Variants in NOC3L observed in about 807,000 individuals in gnomAD.
NOC3L encodes nucleolar complex protein 3 homolog.
NOC3L carries 85 observed loss-of-function variants against 102.5 expected under a neutral mutation model. The observed-to-expected ratio is 0.83, with a 90% CI of 0.70 to 0.99. The LOEUF (loss-of-function observed/expected upper bound fraction) is 0.99, where lower values mean the gene tolerates loss of function less well. NOC3L is among the 50% of genes least tolerant of loss of function. NOC3L has a pLI of 0.00. For missense variants in NOC3L, 878 were observed against 914.9 expected (o/e 0.96, Z 0.52); for synonymous variants, 303 against 309.4 (o/e 0.98, Z 0.22).
At chr10:94,324,386 GCAACCC>G in the NOC3L span, 1 of 1,614,152 alleles carries the variant, frequency 6.2e-7, no homozygotes, top group Non-Finnish European at 8.5e-7. Flanking sequence ...AGCATCCTGA[GCAACCC>G]CAATCCAAGC....
chr10:94,325,230 A>G, the NOC3L span: 1 of 720,158 alleles, frequency 1.4e-6, no homozygotes, highest in Non-Finnish European at 2.5e-6. Flanking sequence ...GCAGGTAGGA[A>G]TGGGACCTTA....
At chr10:94,346,142 T>C (rs2054340312) in intron 11 of NOC3L, among the ~76,000 whole-genome samples, 1 of 152,222 alleles carries the variant, frequency 6.6e-6, no homozygotes, top group South Asian at 2.1e-4. Context: ...GGAAGGAATC[T>C]GTGTATCATA....
chr10:94,350,316 T>C, intron 8 of NOC3L, 28 bp from the exon 9 acceptor site: 1 of 1,602,216 alleles, frequency 6.2e-7, no homozygotes, highest in Non-Finnish European at 8.5e-7. Flanking sequence ...GTAGTTACTT[T>C]ACTCATTGGT....
Position 94,344,483 on chromosome 10 carries a change from G to A in NOC3L, c.1503C>T (p.Thr501=). 1 of 1,613,608 alleles carries A rather than the reference G, an allele frequency of 6.2e-7. No homozygotes were observed. Among genetic ancestry groups the A allele is most frequent in the Non-Finnish European group, 8.5e-7 (1 of 1,179,592 alleles). Residue 501 remains threonine (T), a synonymous_variant, in exon 13 of 21, where the codon ACC becomes ACT. Transcript: ENST00000371361. ...GGGCCTTCTTCAATATTCTGAAGTA[G>A]GTTACAAACACAATATTCAGAGTCT... The part of the protein sequence containing the change: ...HTETLNIVFV[T]YFRILKKAQR...
At chr10:94,338,019 A>G (rs1455344906) in intron 18 of NOC3L, 145 bp from the exon 19 acceptor site, 5 of 453,412 alleles carry the variant, frequency 1.1e-5, no homozygotes, top group Non-Finnish European at 1.9e-5. Context: ...TTAGAAGCAC[A>G]TACCCACAGA....
chr10:94,348,720 T>C (rs1484732837), intron 10 of NOC3L, among the ~76,000 whole-genome samples: 4 of 152,186 alleles, frequency 2.6e-5, no homozygotes, highest in African/African-American at 9.6e-5. Flanking sequence ...AGTGATTAAA[T>C]GTTTTTGAAC....
chr10:94,338,520 C>T (rs1331447522), intron 18 of NOC3L, 88 bp downstream of exon 18: 1 of 1,360,706 alleles, frequency 7.3e-7, no homozygotes, highest in South Asian at 2.1e-5. Context: ...TAATTAAGTA[C>T]TCTGGCAATA....
At chr10:94,322,541 T>C in the NOC3L span, among the ~76,000 whole-genome samples, 5 of 152,066 alleles carry the variant, frequency 3.3e-5, no homozygotes, top group African/African-American at 7.2e-5. Flanking sequence ...TCCCAACACT[T>C]TGTGGGGCCA....
the NOC3L span, among the ~76,000 whole-genome samples, chr10:94,321,641 A>C: frequency 2.6e-5 from 4 of 151,922 alleles, no homozygotes; most frequent in African/African-American, 9.7e-5. Context: ...AAAAAAAAAA[A>C]AAAAACCCAC....
chr10:94,352,406 G>A lies in NOC3L; in HGVS notation c.859-3C>T. ...AACTTCTGGGTTTCTTTTCGGGTCT[G>A]AAAAGACCAAAAAGGTCAATCATTT... On this transcript the variant is annotated splice_polypyrimidine_tract_variant and splice_region_variant and intron_variant, in intron 7 of 20. Coordinates refer to ENST00000371361, the MANE Select transcript of NOC3L (RefSeq NM_022451.11). 2 of 1,595,698 alleles carry A rather than the reference G, an allele frequency of 1.3e-6. No homozygotes were observed. The highest frequency in any genetic ancestry group is 1.7e-6 in the Non-Finnish European group (2 of 1,167,404).
chr10:94,320,565 A>C, the NOC3L span, among the ~76,000 whole-genome samples: 1 of 152,024 alleles, frequency 6.6e-6, no homozygotes, highest in Non-Finnish European at 1.5e-5. Flanking sequence ...TCTTCTGGTT[A>C]GTTAGTTAGC....
At chr10:94,347,800 A>G (rs1357334643) in intron 10 of NOC3L, among the ~76,000 whole-genome samples, 1 of 152,144 alleles carries the variant, frequency 6.6e-6, no homozygotes, top group Non-Finnish European at 1.5e-5. Context: ...ATAGAAAAAA[A>G]TCAATTCTGT....
chr10:94,354,887 T>C, intron 6 of NOC3L, 76 bp downstream of exon 6: 1 of 1,448,316 alleles, frequency 6.9e-7, no homozygotes, highest in Non-Finnish European at 9.5e-7. Context: ...TGCTTATAGG[T>C]AACAAGGGAA....
intron 19 of NOC3L, among the ~76,000 whole-genome samples, chr10:94,335,640 C>T (rs968445301): frequency 6.6e-6 from 1 of 152,142 alleles, no homozygotes; most frequent in Non-Finnish European, 1.5e-5. Context: ...ATGTAAAATA[C>T]AAGCCAATGT....
At chr10:94,335,770 G>A (rs1334063053) in intron 19 of NOC3L, among the ~76,000 whole-genome samples, 3 of 152,026 alleles carry the variant, frequency 2.0e-5, no homozygotes, top group South Asian at 2.1e-4. Context: ...CAGAAAAATC[G>A]GCCTGGCCCA....
the NOC3L span, chr10:94,321,909 A>G: frequency 1.9e-6 from 3 of 1,612,864 alleles, no homozygotes; most frequent in South Asian, 3.3e-5. Context: ...AGAACCTAGA[A>G]GAGAAAAACA....
chr10:94,354,828 T>C, intron 6 of NOC3L, 135 bp downstream of exon 6: 1 of 804,066 alleles, frequency 1.2e-6, no homozygotes, highest in Non-Finnish European at 1.9e-6. Flanking sequence ...TCTACTCTCT[T>C]ACTCTAACCC....
At chr10:94,345,494 T>G (rs868154299) in intron 11 of NOC3L, among the ~76,000 whole-genome samples, 3 of 152,140 alleles carry the variant, frequency 2.0e-5, no homozygotes, top group Non-Finnish European at 4.4e-5. Context: ...AAATGATAAT[T>G]TCTAAGCTGC....
Position 94,339,910 on chromosome 10 carries a change from AT to A in NOC3L, c.1790del (p.Asn597MetfsTer15). 6.2e-7 allele frequency: 1 copy of A among 1,613,546 alleles called. No individual in the cohort carries two copies. Among genetic ancestry groups the A allele is most frequent in the East Asian group, 2.2e-5 (1 of 44,882 alleles). On this transcript the variant is annotated frameshift_variant, in exon 17 of 21. Transcript: ENST00000371361. LOFTEE classifies it high-confidence loss of function. Reference sequence around the variant, plus strand: ...ACTGGAGTACAATCTCAACACCTTCATTGGTAGCACCTAAAACAGCAGACAT... The same window carrying A: ...ACTGGAGTACAATCTCAACACCTTCATGGTAGCACCTAAAACAGCAGACAT... ...TLFKLHAGAT[N>X]EGVEIVLQCL...
Sources: allele counts gnomAD v4.1 joint callset (sites outside exome capture counted in the v4.1 genomes callset), GRCh38; gene constraint gnomAD v4.1.1; transcripts MANE v1.5; gene names NCBI Gene and HGNC (gene_info 2026-07-23, HGNC 2026-07-21).